The following PFKL variants were observed in gnomAD, a reference collection of about 807,000 sequenced individuals.
PFKL encodes ATP-dependent 6-phosphofructokinase, liver type.
Under a neutral mutation model 92.1 loss-of-function variants are expected in PFKL, and 74 were observed. That is an observed-to-expected ratio of 0.80 (90% CI 0.67 to 0.97). PFKL has a LOEUF of 0.97. PFKL is among the 50% of genes least tolerant of loss of function. PFKL has a pLI of 0.00. For missense variants in PFKL, 1,028 were observed against 1,116.6 expected (o/e 0.92, Z 1.13); for synonymous variants, 494 against 456.4 (o/e 1.08, Z -1.05).
chr21:44,318,657 G>T, intron 10 of PFKL, 62 bp downstream of exon 10: 1 of 1,370,628 alleles, frequency 7.3e-7, no homozygotes. Flanking sequence ...CCACTCACAG[G>T]CCCCACTGCT....
At chr21:44,301,353 A>G (rs573045700) in intron 1 of PFKL, among the ~76,000 whole-genome samples, 46 of 152,296 alleles carry the variant, frequency 3.0e-4, no homozygotes, top group African/African-American at 9.4e-4. Context: ...GTTGCCGGCT[A>G]CTGGCAGTGT....
At chr21:44,314,079 C>T (rs759586179) in intron 7 of PFKL, 58 bp downstream of exon 7, 289 of 1,266,870 alleles carry the variant, frequency 2.3e-4, no homozygotes, top group Non-Finnish European at 3.1e-4. Flanking sequence ...GGGTAGCGCC[C>T]CTGGGGTTTT....
rs549617406 is a variant in PFKL at position 44,313,531 on chromosome 21, C to T, written c.594-107C>T. 424 of 1,062,984 alleles carry T rather than the reference C, an allele frequency of 4.0e-4. 1 individual carries two copies. Among genetic ancestry groups the T allele is most frequent in the Non-Finnish European group, 5.5e-4 (390 of 708,304 alleles). The allele number at this position is 1,062,984 out of a possible 1,614,324, so 65.8% of individuals were successfully genotyped here. On this transcript the variant is annotated intron_variant, in intron 5 of 21. Coordinates refer to ENST00000349048, the MANE Select transcript of PFKL (RefSeq NM_002626.6). Reference sequence around the variant, plus strand: ...AGCCTGGGCATGAGAAGGGGCTGTCCCCTGCCTGCCTCTCCATCCACTGGG... The same window carrying T: ...AGCCTGGGCATGAGAAGGGGCTGTCTCCTGCCTGCCTCTCCATCCACTGGG...
At chr21:44,311,707 G>A (rs1602014789) in intron 3 of PFKL, among the ~76,000 whole-genome samples, 1 of 152,198 alleles carries the variant, frequency 6.6e-6, no homozygotes, top group Admixed American at 6.5e-5. Flanking sequence ...GAGGGGCCAC[G>A]TGAGCGCACC....
chr21:44,309,224 A>G (rs1431266297), intron 2 of PFKL, among the ~76,000 whole-genome samples: 1 of 151,988 alleles, frequency 6.6e-6, no homozygotes, highest in Non-Finnish European at 1.5e-5. Context: ...CCTTGGGGCT[A>G]TTGTTAGGGC....
At chr21:44,323,162 C>T (rs898421051) in intron 15 of PFKL, 113 bp downstream of exon 15, 25 of 861,066 alleles carry the variant, frequency 2.9e-5, no homozygotes, top group Non-Finnish European at 4.1e-5. Flanking sequence ...ATGCAGGGGC[C>T]GAGAGGGTCG....
intron 1 of PFKL, among the ~76,000 whole-genome samples, chr21:44,301,098 C>T (rs1306644900): frequency 6.6e-6 from 1 of 152,206 alleles, no homozygotes; most frequent in Non-Finnish European, 1.5e-5. Flanking sequence ...TGAGAAAATG[C>T]GGACACACAC....
At chr21:44,311,319 GAC>G (rs59889134) in intron 3 of PFKL, among the ~76,000 whole-genome samples, 4 of 147,668 alleles carry the variant, frequency 2.7e-5, no homozygotes, top group East Asian at 2.0e-4. Flanking sequence ...CACGTGCACA[GAC>G]ACACACAGAC....
chr21:44,319,460 C>T, intron 11 of PFKL, 45 bp downstream of exon 11: 1 of 1,521,044 alleles, frequency 6.6e-7, no homozygotes, highest in Non-Finnish European at 9.1e-7. Context: ...TGGCTGGGTC[C>T]CGGTGCCAGG....
At chr21:44,304,213 C>T in intron 1 of PFKL, 5 of 1,288,216 alleles carry the variant, frequency 3.9e-6, no homozygotes, top group South Asian at 1.2e-5. Context: ...ACCCTGAAGA[C>T]ATTTGGAAGT....
At chr21:44,311,193 C>T in intron 3 of PFKL, 110 bp downstream of exon 3, 1 of 773,508 alleles carries the variant, frequency 1.3e-6, no homozygotes, top group African/African-American at 1.7e-5. Flanking sequence ...TGCACAAACA[C>T]ACACATGCAG....
At chr21:44,303,489 C>T (rs1037093876) in intron 1 of PFKL, among the ~76,000 whole-genome samples, 13 of 151,284 alleles carry the variant, frequency 8.6e-5, no homozygotes, top group Non-Finnish European at 1.5e-4. Flanking sequence ...CTTCATCTCG[C>T]CCTGGCCTGG....
chr21:44,306,964 C>T (rs555764537), intron 2 of PFKL, among the ~76,000 whole-genome samples: 6 of 152,098 alleles, frequency 3.9e-5, no homozygotes, highest in Admixed American at 2.6e-4. Flanking sequence ...GGACTCAGCC[C>T]GGCTGGAGGC....
rs574425640 is a variant in PFKL at position 44,316,105 on chromosome 21, C to T, written c.748-139C>T. On this transcript the variant is annotated intron_variant, in intron 7 of 21. Transcript: ENST00000349048. ...GCCCTCGCGCTCCAGGCCTGCTTTCCTCCTGCTGGGTGGGGATTGTGCCCT... is the reference window on the plus strand; with the variant it reads ...GCCCTCGCGCTCCAGGCCTGCTTTCTTCCTGCTGGGTGGGGATTGTGCCCT... The T allele has an allele frequency of 4.3e-5, 32 of 744,154 alleles. 1 individual carries two copies. The African/African-American group carries it at 5.3e-4, about 12-fold the overall frequency. 46.1% of individuals were successfully genotyped at this position (744,154 alleles called of 1,614,324 possible). A position where few individuals can be genotyped will look rare whatever the true frequency, so the allele number is the denominator to read the frequency against.
intron 4 of PFKL, 118 bp from the exon 5 acceptor site, chr21:44,312,860 G>A (rs2047086793): frequency 1.8e-6 from 2 of 1,096,344 alleles, no homozygotes; most frequent in Admixed American, 2.3e-5. Flanking sequence ...GGAACTCCGG[G>A]GCCCCTGCCG....
At chr21:44,322,074 C>T in intron 13 of PFKL, 59 bp from the exon 14 acceptor site, 2 of 1,554,016 alleles carry the variant, frequency 1.3e-6, no homozygotes, top group African/African-American at 1.4e-5. Context: ...AGGCCCACCC[C>T]TGGGGGGAAT....
chr21:44,324,897 T>A lies in PFKL; in HGVS notation c.1857T>A (p.Ile619=). ...EHMTEKMKTD[I]QRGLVLRNEK... ...TGACGGAGAAGATGAAGACAGACATTCAGAGGGGCCTGGTGCTGCGGTGAG... is the reference window on the plus strand; with the variant it reads ...TGACGGAGAAGATGAAGACAGACATACAGAGGGGCCTGGTGCTGCGGTGAG... Residue 619 remains isoleucine (I), a synonymous_variant, in exon 18 of 22, where the codon ATT becomes ATA. Transcript: ENST00000349048. The A allele has an allele frequency of 6.2e-7, 1 of 1,608,410 alleles. No homozygotes were observed. The highest frequency in any genetic ancestry group is 8.5e-7 in the Non-Finnish European group (1 of 1,177,684).
chr21:44,306,296 C>T (rs1166280594), intron 1 of PFKL, among the ~76,000 whole-genome samples: 6 of 152,176 alleles, frequency 3.9e-5, no homozygotes, highest in Non-Finnish European at 7.4e-5. Flanking sequence ...TTGCCATGCT[C>T]TGCATGGGAT....
At position 44,313,280 on chromosome 21, in the gene PFKL, C is replaced by T. The variant is rs147369101; in HGVS notation, c.593+137C>T. On this transcript the variant is annotated intron_variant, in intron 5 of 21. Transcript: ENST00000349048. ...GCATCCAGGCCAGCCGCCCTCAGCC[C>T]CCAGCTGGGGGAACGCACAGCGGGC... 4.8e-4 allele frequency: 481 copies of T among 995,022 alleles called. 1 individual carries two copies. In the African/African-American group the frequency reaches 6.8e-3, roughly 14 times the overall value. The allele number at this position is 995,022 out of a possible 1,614,324, so 61.6% of individuals were successfully genotyped here.
Sources: allele counts gnomAD v4.1 joint callset (sites outside exome capture counted in the v4.1 genomes callset), GRCh38; gene constraint gnomAD v4.1.1; transcripts MANE v1.5; gene names NCBI Gene and HGNC (gene_info 2026-07-23, HGNC 2026-07-21).